CRADD: variants seen among roughly 807,000 people sequenced by gnomAD.
CRADD encodes the protein CARD and death domain containing adaptor protein.
CRADD carries 9 observed loss-of-function variants against 15.5 expected under a neutral mutation model. The observed-to-expected ratio is 0.58, with a 90% CI of 0.35 to 1.01. The LOEUF (loss-of-function observed/expected upper bound fraction) is 1.01. Ranked by LOEUF, CRADD falls within the 50% of genes least tolerant of loss-of-function variation. CRADD has a pLI of 0.02. For missense variants in CRADD, 227 were observed against 250.3 expected (o/e 0.91, Z 0.63); for synonymous variants, 118 against 107.6 (o/e 1.10, Z -0.60).
intron 2 of CRADD, among the ~76,000 whole-genome samples, chr12:93,734,139 A>AGTCCATCCATCT (rs1956520984): frequency 1.3e-5 from 2 of 151,382 alleles, no homozygotes; most frequent in African/African-American, 4.9e-5. Flanking sequence ...TCTGTTCATC[A>AGTCCATCCATCT]GTCCATCCAT....
intron 2 of CRADD, among the ~76,000 whole-genome samples, chr12:93,884,538 C>T (rs145930614): frequency 1.3e-5 from 2 of 152,214 alleles, no homozygotes; most frequent in Non-Finnish European, 1.5e-5. Context: ...GGTGGGGCCT[C>T]GGGAAGTTCA....
At chr12:93,885,916 G>A (rs773327860) in intron 2 of CRADD, among the ~76,000 whole-genome samples, 3 of 152,110 alleles carry the variant, frequency 2.0e-5, no homozygotes, top group Admixed American at 6.6e-5. Context: ...GCACGCACCT[G>A]TAATCCCAGC....
At chr12:93,751,161 T>G (rs761538894) in intron 2 of CRADD, among the ~76,000 whole-genome samples, 2 of 152,214 alleles carry the variant, frequency 1.3e-5, no homozygotes, top group Non-Finnish European at 2.9e-5. Flanking sequence ...AAAAGTAGAT[T>G]CTGGTTGTTT....
At chr12:93,856,930 C>T (rs1958279565) in intron 2 of CRADD, among the ~76,000 whole-genome samples, 1 of 152,188 alleles carries the variant, frequency 6.6e-6, no homozygotes. Flanking sequence ...CTTCTTGGAA[C>T]TATAAACAAA....
intron 2 of CRADD, among the ~76,000 whole-genome samples, chr12:93,684,210 G>A (rs1955383858): frequency 6.6e-6 from 1 of 152,182 alleles, no homozygotes; most frequent in Admixed American, 6.5e-5. Flanking sequence ...CTAAACCAGA[G>A]GTCCCCAGCC....
At chr12:93,701,332 A>ACACACACACAC in intron 2 of CRADD, among the ~76,000 whole-genome samples, 1 of 147,360 alleles carries the variant, frequency 6.8e-6, no homozygotes, top group Admixed American at 6.7e-5. Flanking sequence ...ACACACACAC[A>ACACACACACAC]ATCTGTAAGT....
chr12:93,865,123 G>C (rs957401531), intron 2 of CRADD, among the ~76,000 whole-genome samples: 2 of 152,166 alleles, frequency 1.3e-5, no homozygotes, highest in Non-Finnish European at 2.9e-5. Flanking sequence ...AGGAGTAGTA[G>C]TAGATGCTAA....
chr12:93,726,956 G>A (rs10777536), intron 2 of CRADD, among the ~76,000 whole-genome samples: 75,605 of 152,030 alleles, frequency 0.5, 19,140 homozygotes, highest in East Asian at 0.66. Flanking sequence ...GCTCCTCTTT[G>A]TATTCCATTC....
chr12:93,704,492 C>T (rs1955903358), intron 2 of CRADD, among the ~76,000 whole-genome samples: 2 of 152,198 alleles, frequency 1.3e-5, no homozygotes, highest in South Asian at 4.1e-4. Context: ...CTCTTTCCTT[C>T]TGTATATTCC....
chr12:93,714,326 A>G (rs1956125160), intron 2 of CRADD, among the ~76,000 whole-genome samples: 1 of 152,238 alleles, frequency 6.6e-6, no homozygotes, highest in Non-Finnish European at 1.5e-5. Flanking sequence ...TACATGAAAT[A>G]AATGGATTCC....
chr12:93,890,906 C>G (rs1009334685), intron 2 of CRADD, among the ~76,000 whole-genome samples: 1 of 151,744 alleles, frequency 6.6e-6, no homozygotes, highest in African/African-American at 2.4e-5. Context: ...CGTGCCACAC[C>G]TGACTAATTT....
intron 2 of CRADD, among the ~76,000 whole-genome samples, chr12:93,893,294 TAAAGA>T (rs1358414985): frequency 6.6e-6 from 1 of 152,132 alleles, no homozygotes; most frequent in African/African-American, 2.4e-5. Flanking sequence ...TTACTAACTA[TAAAGA>T]AAAGGATGCT....
At chr12:93,799,061 A>C (rs978144867) in intron 2 of CRADD, among the ~76,000 whole-genome samples, 1 of 152,126 alleles carries the variant, frequency 6.6e-6, no homozygotes, top group South Asian at 2.1e-4. Context: ...GGGAGAAAGG[A>C]CATGCATTTC....
At chr12:93,868,434 T>C (rs184880046) in intron 2 of CRADD, among the ~76,000 whole-genome samples, 28 of 152,304 alleles carry the variant, frequency 1.8e-4, no homozygotes, top group Admixed American at 4.6e-4. Flanking sequence ...TACAGCCTTA[T>C]TATTGAATAC....
chr12:93,738,828 A>T (rs1220357237), intron 2 of CRADD, among the ~76,000 whole-genome samples: 1 of 129,832 alleles, frequency 7.7e-6, no homozygotes, highest in Non-Finnish European at 1.8e-5. Flanking sequence ...AAGGAGAAAG[A>T]AAGAAGGAAA....
chr12:93,866,051 C>G (rs1958364894), intron 2 of CRADD, among the ~76,000 whole-genome samples: 1 of 151,938 alleles, frequency 6.6e-6, no homozygotes, highest in South Asian at 2.1e-4. Context: ...CCAATTTTTC[C>G]CTCTCTAGAA....
rs368260623 is a variant in CRADD, at chr12:93,704,130, C to G, written c.298+25058C>G. Among the ~76,000 whole-genome samples the G allele has an allele frequency of 2.3e-4, 35 of 151,272 alleles. No homozygotes were observed. In the East Asian group the frequency reaches 6.4e-3, roughly 28 times the overall value. ...GCCACCACACCTGGCCTATTTGGAG[C>G]CTTTGTGTGAATAATTAATAATAGC... On this transcript the variant is annotated intron_variant, in intron 2 of 2. Transcript: ENST00000332896.
intron 2 of CRADD, among the ~76,000 whole-genome samples, chr12:93,893,366 A>T (rs1021305760): frequency 6.6e-6 from 1 of 152,010 alleles, no homozygotes; most frequent in African/African-American, 2.4e-5. Context: ...CTGTTTGTTC[A>T]TTGGACGGAC....
intron 2 of CRADD, among the ~76,000 whole-genome samples, chr12:93,804,603 C>T (rs963502537): frequency 5.9e-5 from 9 of 151,996 alleles, no homozygotes; most frequent in Non-Finnish European, 1.2e-4. Context: ...GTGGTCAGGC[C>T]CTTGGCTAGT....
Sources: allele counts gnomAD v4.1 joint callset (sites outside exome capture counted in the v4.1 genomes callset), GRCh38; gene constraint gnomAD v4.1.1; transcripts MANE v1.5; gene names NCBI Gene and HGNC (gene_info 2026-07-23, HGNC 2026-07-21).